The following SPAG16 variants were observed in gnomAD, a reference collection of about 807,000 sequenced individuals.
SPAG16 encodes sperm associated antigen 16.
SPAG16 carries 86 observed loss-of-function variants against 80.4 expected under a neutral mutation model. The observed-to-expected ratio is 1.07, with a 90% CI of 0.90 to 1.28. SPAG16 has a LOEUF of 1.28. Among genes scored for constraint, SPAG16 ranks in the 50% most tolerant of loss-of-function variants. The probability of loss-of-function intolerance (pLI) is 0.00; values close to 1 mark genes in which losing one functional copy is unlikely to be tolerated. For missense variants in SPAG16, 870 were observed against 765.3 expected (o/e 1.14, Z -1.61); for synonymous variants, 294 against 265.9 (o/e 1.11, Z -1.03).
At chr2:214,249,441 T>C (rs1690090080) in intron 15 of SPAG16, among the ~76,000 whole-genome samples, 1 of 150,660 alleles carries the variant, frequency 6.6e-6, no homozygotes, top group Admixed American at 6.6e-5. Context: ...GGAGGAAAGA[T>C]AGGGATGGGG....
At chr2:214,197,344 T>C (rs1446151804) in intron 15 of SPAG16, among the ~76,000 whole-genome samples, 1 of 152,050 alleles carries the variant, frequency 6.6e-6, no homozygotes, top group Non-Finnish European at 1.5e-5. Flanking sequence ...TAATATCATT[T>C]TTAAAGGCTG....
intron 14 of SPAG16, among the ~76,000 whole-genome samples, chr2:214,138,771 T>G (rs902783237): frequency 6.6e-6 from 1 of 152,178 alleles, no homozygotes; most frequent in African/African-American, 2.4e-5. Flanking sequence ...AGGAAATAGC[T>G]TATCTCTCTC....
intron 9 of SPAG16, among the ~76,000 whole-genome samples, chr2:213,414,829 A>G (rs907359523): frequency 6.6e-6 from 1 of 152,346 alleles, no homozygotes; most frequent in East Asian, 1.9e-4. Context: ...TCCCTTCTTA[A>G]TGGACTATAT....
chr2:213,468,513 ATATC>A (rs1473283574), intron 9 of SPAG16, among the ~76,000 whole-genome samples: 19 of 129,596 alleles, frequency 1.5e-4, no homozygotes, highest in African/African-American at 3.4e-4. Flanking sequence ...AGATATATAT[ATATC>A]TATGTATTTA....
At chr2:214,332,777 T>C (rs55953297) in intron 15 of SPAG16, among the ~76,000 whole-genome samples, 49,251 of 151,902 alleles carry the variant, frequency 0.32, 12,658 homozygotes, top group African/African-American at 0.71. Flanking sequence ...CACCCCCTCC[T>C]CACATTTGAT....
intron 10 of SPAG16, among the ~76,000 whole-genome samples, chr2:213,603,185 T>G (rs2061128191): frequency 6.6e-6 from 1 of 152,262 alleles, no homozygotes; most frequent in Non-Finnish European, 1.5e-5. Flanking sequence ...TATCAAAATC[T>G]GTCCACCTCT....
chr2:213,790,030 C>T (rs1307315069), intron 10 of SPAG16, among the ~76,000 whole-genome samples: 1 of 151,198 alleles, frequency 6.6e-6, no homozygotes. Flanking sequence ...CTTTTTTGTC[C>T]CCTCAGTATT....
intron 14 of SPAG16, among the ~76,000 whole-genome samples, chr2:214,145,500 T>G (rs1451007767): frequency 1.3e-5 from 2 of 152,186 alleles, no homozygotes; most frequent in South Asian, 4.1e-4. Context: ...TGCTAAATTT[T>G]TCTCTTATAA....
rs1576027188 is a variant in SPAG16 at position 214,061,805 on chromosome 2, C to A, written c.1528-46391C>A. 2.0e-5 allele frequency among the ~76,000 whole-genome samples: 3 copies of A among 152,118 alleles called. No homozygotes were observed. In the South Asian group the frequency reaches 6.2e-4, roughly 31 times the overall value. On this transcript the variant is annotated intron_variant, in intron 13 of 15. Coordinates refer to ENST00000331683, the MANE Select transcript of SPAG16 (RefSeq NM_024532.5). ...AGTTGCTTCAGTAGTGAGGAGTAAGCAGCCCTAGGTTGAGCACTGCTCTGG... is the reference window on the plus strand; with the variant it reads ...AGTTGCTTCAGTAGTGAGGAGTAAGAAGCCCTAGGTTGAGCACTGCTCTGG...
At chr2:214,318,010 G>C (rs1271547637) in intron 15 of SPAG16, among the ~76,000 whole-genome samples, 2 of 152,202 alleles carry the variant, frequency 1.3e-5, no homozygotes, top group Admixed American at 6.5e-5. Flanking sequence ...AGGGAGGATG[G>C]TGATTGATTC....
chr2:213,500,553 A>G (rs1171660214), intron 10 of SPAG16, among the ~76,000 whole-genome samples: 1 of 152,230 alleles, frequency 6.6e-6, no homozygotes. Flanking sequence ...TGTTCTAAAC[A>G]TTAGGAATTA....
chr2:213,809,255 T>C (rs1387519882), intron 10 of SPAG16, among the ~76,000 whole-genome samples: 11 of 152,192 alleles, frequency 7.2e-5, no homozygotes, highest in Non-Finnish European at 1.5e-5. Context: ...AGATATTCTC[T>C]ATCTAAGGAA....
chr2:213,937,016 G>A (rs1389907846), intron 12 of SPAG16, among the ~76,000 whole-genome samples: 1 of 152,120 alleles, frequency 6.6e-6, no homozygotes, highest in African/African-American at 2.4e-5. Context: ...TTCTGTTAAT[G>A]ATATATACTA....
intron 15 of SPAG16, among the ~76,000 whole-genome samples, chr2:214,366,189 G>A (rs1699469565): frequency 6.6e-6 from 1 of 152,080 alleles, no homozygotes; most frequent in African/African-American, 2.4e-5. Context: ...ACATTAGCCA[G>A]GCTGGTCTCA....
intron 15 of SPAG16, among the ~76,000 whole-genome samples, chr2:214,363,655 G>C (rs554669318): frequency 6.6e-6 from 1 of 152,070 alleles, no homozygotes; most frequent in South Asian, 2.1e-4. Flanking sequence ...ACAAGCAATG[G>C]CAGGTCATGG....
intron 10 of SPAG16, among the ~76,000 whole-genome samples, chr2:213,821,904 G>A (rs895166555): frequency 2.2e-4 from 34 of 152,170 alleles, no homozygotes; most frequent in East Asian, 5.8e-4. Flanking sequence ...TAGCTAAATA[G>A]TACTCCATTT....
chr2:213,295,548 C>A, intron 1 of SPAG16, among the ~76,000 whole-genome samples: 1 of 151,830 alleles, frequency 6.6e-6, no homozygotes. Context: ...CTGATAAAAG[C>A]ATTGATATGT....
At chr2:213,430,454 A>G (rs1325703944) in intron 9 of SPAG16, among the ~76,000 whole-genome samples, 1 of 152,196 alleles carries the variant, frequency 6.6e-6, no homozygotes, top group African/African-American at 2.4e-5. Context: ...TGAAAACATT[A>G]TGAGATTTTT....
At chr2:213,637,165 G>T (rs7589993) in intron 10 of SPAG16, among the ~76,000 whole-genome samples, 6 of 152,150 alleles carry the variant, frequency 3.9e-5, no homozygotes, top group East Asian at 1.9e-4. Flanking sequence ...AATCATAAAG[G>T]CATGCTGGAT....
Sources: gnomAD v4.1 joint callset for allele counts (sites outside exome capture counted in the v4.1 genomes callset) on GRCh38, gnomAD v4.1.1 for gene constraint, MANE v1.5 for transcripts, NCBI Gene and HGNC (gene_info 2026-07-23, HGNC 2026-07-21) for gene names.